GALNTL6: variants seen among roughly 807,000 people sequenced by gnomAD.
The protein encoded by GALNTL6 is polypeptide N-acetylgalactosaminyltransferase-like 6.
A neutral mutation model predicts 73.7 loss-of-function variants in GALNTL6; 46 were observed. That is an observed-to-expected ratio of 0.62 (90% confidence interval 0.49 to 0.80). The LOEUF (loss-of-function observed/expected upper bound fraction) is 0.80. Ranked by LOEUF, GALNTL6 falls within the 30% of genes least tolerant of loss-of-function variation. GALNTL6 has a pLI of 0.00. For missense variants in GALNTL6, 604 were observed against 755.0 expected, an observed-to-expected ratio of 0.80 and a Z score of 2.34; for synonymous variants, 259 against 263.7, an observed-to-expected ratio of 0.98 and a Z score of 0.17.
At chr4:172,883,844 T>C (rs141496714) in intron 8 of GALNTL6, among the ~76,000 whole-genome samples, 89 of 150,546 alleles carry the variant, frequency 5.9e-4, no homozygotes, top group African/African-American at 1.6e-3. Flanking sequence ...TCTACCTCCA[T>C]TAGACCAACT....
In GALNTL6 at chr4:172,520,517, G is replaced by T. The variant is rs554719733; in HGVS notation, c.553+171828G>T. Among the ~76,000 whole-genome samples the T allele has an allele frequency of 5.4e-5, 8 of 148,150 alleles. No homozygotes were observed. The East Asian group carries it at 1.6e-3, about 29-fold the overall frequency. On this transcript the variant is annotated intron_variant, in intron 5 of 12. Coordinates refer to ENST00000506823, the MANE Select transcript of GALNTL6 (RefSeq NM_001034845.3). ...CATTCATTCTTTTTTTACTCCCTTG[G>T]GTACAGCATTTTGAGTCAGTCTTTT...
intron 7 of GALNTL6, among the ~76,000 whole-genome samples, chr4:172,873,836 G>T (rs1745063078): frequency 1.3e-5 from 2 of 152,088 alleles, no homozygotes; most frequent in South Asian, 2.1e-4. Context: ...AAAGGTAAAG[G>T]GCTGATCAGA....
intron 7 of GALNTL6, among the ~76,000 whole-genome samples, chr4:172,854,831 C>A (rs937934364): frequency 3.9e-5 from 6 of 152,126 alleles, no homozygotes; most frequent in Non-Finnish European, 8.8e-5. Context: ...ACGGTAAACT[C>A]TTTAAAAATG....
chr4:172,666,211 A>C (rs1731651896), intron 5 of GALNTL6, among the ~76,000 whole-genome samples: 1 of 152,176 alleles, frequency 6.6e-6, no homozygotes, highest in South Asian at 2.1e-4. Flanking sequence ...TGACTATAAT[A>C]CTTCAAAAAA....
At chr4:172,247,727 C>A (rs1370813990) in intron 3 of GALNTL6, among the ~76,000 whole-genome samples, 1 of 152,074 alleles carries the variant, frequency 6.6e-6, no homozygotes, top group Non-Finnish European at 1.5e-5. Flanking sequence ...CAAGCTAGGA[C>A]CCTCCACCCC....
At position 172,767,665 on chromosome 4, in the gene GALNTL6, TTC is replaced by T. The variant is rs1298375978; in HGVS notation, c.554-41694_554-41693del. Among the ~76,000 whole-genome samples, 149 of 103,742 alleles carry T rather than the reference TTC, an allele frequency of 1.4e-3. 1 individual carries two copies. The highest frequency in any genetic ancestry group is 3.8e-3 in the African/African-American group (113 of 29,440). The allele number at this position is 103,742 out of a possible 152,430, so 68.1% of individuals were successfully genotyped here. A position where few individuals can be genotyped will look rare whatever the true frequency, so the allele number is the denominator to read the frequency against. The stretch of plus-strand genomic sequence containing the variant: ...TGAGATACTCAAGAACTGATTTTTT[TTC>T]TTTTTTTTTTTTTTTTTTGAGACAG... On this transcript the variant is annotated intron_variant, in intron 5 of 12. Transcript: ENST00000506823.
chr4:172,654,063 G>C (rs544282793), intron 5 of GALNTL6, among the ~76,000 whole-genome samples: 2 of 152,280 alleles, frequency 1.3e-5, no homozygotes, highest in African/African-American at 2.4e-5. Context: ...GAGACAGAGA[G>C]AGAGAAAGAG....
intron 7 of GALNTL6, among the ~76,000 whole-genome samples, chr4:172,873,557 C>T (rs1311918560): frequency 6.6e-6 from 1 of 152,144 alleles, no homozygotes; most frequent in African/African-American, 2.4e-5. Context: ...CTCAAAGCTG[C>T]CATAGATCGT....
rs1355525596 is a variant in GALNTL6, at chr4:172,564,564, T to C, written c.553+215875T>C. ...GAAGAAGAGAGAAAGCAGAGTGGAA[T>C]GTATACTGTAATTACCACCTTTGCC... On this transcript the variant is annotated intron_variant, in intron 5 of 12. Transcript: ENST00000506823. 3.9e-5 allele frequency among the ~76,000 whole-genome samples: 6 copies of C among 152,224 alleles called. No individual in the cohort carries two copies. The East Asian group carries it at 1.2e-3, about 29-fold the overall frequency.
intron 2 of GALNTL6, among the ~76,000 whole-genome samples, chr4:172,179,070 G>C (rs1471213804): frequency 2.1e-5 from 3 of 145,056 alleles, no homozygotes; most frequent in Non-Finnish European, 4.5e-5. Context: ...GGACATTTGG[G>C]TTGGTTCCAA....
rs76233556 is a variant in GALNTL6, at chr4:172,227,429, C to T, written c.139-2227C>T. On this transcript the variant is annotated intron_variant, in intron 2 of 12. Coordinates refer to ENST00000506823, the MANE Select transcript of GALNTL6 (RefSeq NM_001034845.3). ...GCCTGAGAACATACCATTGACGCTC[C>T]AGTCTTCTATGGGTGGGAGTACAGT... Among the ~76,000 whole-genome samples, 658 of 152,264 alleles carry T rather than the reference C, an allele frequency of 4.3e-3. 32 individuals are homozygous for T. In the East Asian group the frequency reaches 0.11, roughly 26 times the overall value.
rs188389825 is a variant in GALNTL6, at chr4:172,781,363, C to T, written c.554-27998C>T. Among the ~76,000 whole-genome samples, 15 of 152,178 alleles carry T rather than the reference C, an allele frequency of 9.9e-5. No homozygotes were observed. In the East Asian group the frequency reaches 2.9e-3, roughly 29 times the overall value. ...AAGAATCTTAGCCAATTAATTCATA[C>T]TATTAAAATTTAAGCTAAAATCAAA... On this transcript the variant is annotated intron_variant, in intron 5 of 12. Coordinates refer to ENST00000506823, the MANE Select transcript of GALNTL6 (RefSeq NM_001034845.3).
intron 2 of GALNTL6, among the ~76,000 whole-genome samples, chr4:171,817,550 A>C (rs939266770): frequency 6.6e-6 from 1 of 151,838 alleles, no homozygotes; most frequent in African/African-American, 2.4e-5. Context: ...ATTAATTTTC[A>C]CAATGTTTAG....
chr4:172,407,732 G>A (rs1019228620), intron 5 of GALNTL6, among the ~76,000 whole-genome samples: 4 of 152,010 alleles, frequency 2.6e-5, no homozygotes, highest in African/African-American at 9.7e-5. Context: ...TTTACTTGAA[G>A]TAACCATATA....
intron 2 of GALNTL6, among the ~76,000 whole-genome samples, chr4:172,143,444 T>G (rs1733851100): frequency 1.3e-5 from 2 of 152,062 alleles, no homozygotes; most frequent in Non-Finnish European, 2.9e-5. Context: ...TAGATTTCCT[T>G]CCTTGTTTCT....
At chr4:172,418,650 G>A (rs1730934373) in intron 5 of GALNTL6, among the ~76,000 whole-genome samples, 1 of 152,148 alleles carries the variant, frequency 6.6e-6, no homozygotes, top group Admixed American at 6.6e-5. Context: ...CTGCATCTTG[G>A]AGTAGTTTGT....
chr4:171,872,236 A>C (rs2110896672), intron 2 of GALNTL6, among the ~76,000 whole-genome samples: 1 of 152,354 alleles, frequency 6.6e-6, no homozygotes, highest in East Asian at 1.9e-4. Flanking sequence ...TTTTTCTTGA[A>C]TCATGCCTGA....
intron 2 of GALNTL6, among the ~76,000 whole-genome samples, chr4:172,019,147 T>C (rs900544631): frequency 4.6e-5 from 7 of 152,140 alleles, no homozygotes; most frequent in African/African-American, 1.7e-4. Flanking sequence ...ATTCTCTGTT[T>C]TCCCGGTACA....
At chr4:172,218,217 C>G (rs1164275172) in intron 2 of GALNTL6, among the ~76,000 whole-genome samples, 1 of 152,122 alleles carries the variant, frequency 6.6e-6, no homozygotes, top group Non-Finnish European at 1.5e-5. Flanking sequence ...CTAGAGTAGA[C>G]TAAAGTCCTT....
Sources: allele counts gnomAD v4.1 joint callset (sites outside exome capture counted in the v4.1 genomes callset), GRCh38; gene constraint gnomAD v4.1.1; transcripts MANE v1.5; gene names NCBI Gene and HGNC (gene_info 2026-07-23, HGNC 2026-07-21).